NRXN3: variants seen among roughly 807,000 people sequenced by gnomAD.
The protein encoded by NRXN3 is neurexin 3.
A neutral mutation model predicts 137.6 loss-of-function variants in NRXN3; 32 were observed. The ratio of observed to expected loss-of-function variants is 0.23; its 90% CI spans 0.18 to 0.31. NRXN3 has a LOEUF of 0.31. Among genes scored for constraint, NRXN3 ranks in the 10% least tolerant of loss-of-function variants. The pLI is 1.00. For missense variants in NRXN3, 1,574 were observed against 2,062.5 expected (o/e 0.76, Z 4.59); for synonymous variants, 798 against 784.5 (o/e 1.02, Z -0.29).
intron 16 of NRXN3, among the ~76,000 whole-genome samples, chr14:79,532,694 C>T (rs1394937245): frequency 6.6e-6 from 1 of 152,196 alleles, no homozygotes; most frequent in African/African-American, 2.4e-5. Context: ...CCCCTACACT[C>T]CAGATCTTCT....
intron 15 of NRXN3, among the ~76,000 whole-genome samples, chr14:79,456,742 A>AGAGAGGAGAG (rs368005429): frequency 4.0e-5 from 6 of 151,820 alleles, no homozygotes; most frequent in African/African-American, 1.2e-4. Flanking sequence ...AGAAAGGAGA[A>AGAGAGGAGAG]GAGAGGAGAG....
At chr14:78,996,745 T>C (rs2099530998) in intron 15 of NRXN3, among the ~76,000 whole-genome samples, 1 of 152,094 alleles carries the variant, frequency 6.6e-6, no homozygotes, top group Non-Finnish European at 1.5e-5. Flanking sequence ...AGGGGCAGCA[T>C]AGCTCCATGA....
chr14:78,552,909 T>C (rs2096706309), intron 4 of NRXN3, among the ~76,000 whole-genome samples: 1 of 152,162 alleles, frequency 6.6e-6, no homozygotes, highest in South Asian at 2.1e-4. Flanking sequence ...GTGATGGATA[T>C]CCTAAGTATA....
intron 4 of NRXN3, among the ~76,000 whole-genome samples, chr14:78,553,994 AG>A (rs1237186504): frequency 6.6e-6 from 1 of 152,204 alleles, no homozygotes; most frequent in Non-Finnish European, 1.5e-5. Context: ...AGGCAGAGAG[AG>A]AAGAGTGTGT....
chr14:79,219,300 A>T (rs1028880463), intron 15 of NRXN3, among the ~76,000 whole-genome samples: 1 of 151,936 alleles, frequency 6.6e-6, no homozygotes, highest in Non-Finnish European at 1.5e-5. Context: ...TTTATTATTT[A>T]TTTATTTTTT....
intron 16 of NRXN3, among the ~76,000 whole-genome samples, chr14:79,540,077 A>G (rs2097257507): frequency 6.6e-6 from 1 of 152,144 alleles, no homozygotes; most frequent in Admixed American, 6.6e-5. Flanking sequence ...AATGAATAGA[A>G]GCAGTCTATT....
intron 16 of NRXN3, among the ~76,000 whole-genome samples, chr14:79,565,764 G>A (rs944371941): frequency 3.9e-5 from 6 of 152,088 alleles, no homozygotes; most frequent in Non-Finnish European, 5.9e-5. Context: ...TAAGCACATT[G>A]ACTGTTCTTA....
chr14:78,877,527 T>C (rs2099116742), intron 10 of NRXN3, among the ~76,000 whole-genome samples: 1 of 152,232 alleles, frequency 6.6e-6, no homozygotes, highest in Non-Finnish European at 1.5e-5. Flanking sequence ...CATTCCTTCT[T>C]CTACACTTTC....
Position 79,016,956 on chromosome 14 carries a change from A to G in NRXN3, c.3262+28815A>G, listed in dbSNP as rs1008278558. ...CCATTTGGAGGAGAGAATGGGGAAA[A>G]GGCTCGTGGGCAGACAGCAGTAAAC... On this transcript the variant is annotated intron_variant, in intron 15 of 20. Transcript: ENST00000335750. 2.0e-5 allele frequency among the ~76,000 whole-genome samples: 3 copies of G among 152,142 alleles called. No individual in the cohort carries two copies. The South Asian group carries it at 6.2e-4, about 32-fold the overall frequency.
intron 15 of NRXN3, among the ~76,000 whole-genome samples, chr14:79,362,925 T>C (rs1056159440): frequency 6.6e-6 from 1 of 151,994 alleles, no homozygotes; most frequent in Non-Finnish European, 1.5e-5. Flanking sequence ...GGGCAATAGA[T>C]AAAAACACAT....
At chr14:78,212,156 A>G (rs1393869544) in intron 1 of NRXN3, among the ~76,000 whole-genome samples, 1 of 152,142 alleles carries the variant, frequency 6.6e-6, no homozygotes, top group Non-Finnish European at 1.5e-5. Context: ...AGAGAGAGAG[A>G]TGGTCATTCA....
intron 17 of NRXN3, 147 bp from the exon 18 acceptor site, chr14:79,692,026 C>A: frequency 1.7e-6 from 1 of 586,750 alleles, no homozygotes; most frequent in Non-Finnish European, 2.9e-6. Flanking sequence ...CGACCAAGGG[C>A]AGAGTGACTT....
At chr14:78,438,680 C>T in intron 4 of NRXN3, among the ~76,000 whole-genome samples, 1 of 152,004 alleles carries the variant, frequency 6.6e-6, no homozygotes, top group South Asian at 2.1e-4. Context: ...GCTGCCCATG[C>T]CAGAAGAGAA....
chr14:78,526,619 G>A (rs2153807693), intron 4 of NRXN3: 1 of 311,384 alleles, frequency 3.2e-6, no homozygotes, highest in East Asian at 9.2e-5. Flanking sequence ...TAAAAATGGA[G>A]CATATCTGCT....
intron 10 of NRXN3, among the ~76,000 whole-genome samples, chr14:78,813,273 A>G (rs894677479): frequency 6.6e-6 from 1 of 152,214 alleles, no homozygotes; most frequent in Non-Finnish European, 1.5e-5. Context: ...GGCCTACATG[A>G]TCCGAACTTC....
At position 78,767,531 on chromosome 14, in the gene NRXN3, G is replaced by T. The variant is rs573400402; in HGVS notation, c.2045-36089G>T. On this transcript the variant is annotated intron_variant, in intron 8 of 20. Coordinates refer to ENST00000335750, the MANE Select transcript of NRXN3 (RefSeq NM_001330195.2). ...CACACTGTCAACGTGCAATACCCCT[G>T]GCATGTGTCGCAGAGCGCCCTCTTG... Among the ~76,000 whole-genome samples the T allele has an allele frequency of 2.6e-5, 4 of 152,280 alleles. No homozygotes were observed. The East Asian group carries it at 5.8e-4, about 22-fold the overall frequency.
In NRXN3 at chr14:79,667,724, T is replaced by C. The variant is rs11845684; in HGVS notation, c.3616+3775T>C. On this transcript the variant is annotated intron_variant, in intron 17 of 20. Transcript: ENST00000335750. ...AAGAAGAATCAGCCCAGAGCTATCA[T>C]CCAGGCACTGACAAATGTTCCTTAT... 8.9e-3 allele frequency among the ~76,000 whole-genome samples: 1,354 copies of C among 152,178 alleles called. 19 individuals are homozygous for C. Among genetic ancestry groups the C allele is most frequent in the African/African-American group, 0.031 (1,296 of 41,534 alleles).
rs142465178 is a variant in NRXN3 at position 79,552,209 on chromosome 14, T to C, written c.3444+84807T>C. 3.7e-4 allele frequency among the ~76,000 whole-genome samples: 56 copies of C among 152,318 alleles called. 1 individual carries two copies. The highest frequency in any genetic ancestry group is 1.3e-3 in the African/African-American group (55 of 41,584). ...GAGAAGGATAAGGAAGTAACATCTATTGGGTACCTGCTATGTTCCAGGCAA... is the reference window on the plus strand; with the variant it reads ...GAGAAGGATAAGGAAGTAACATCTACTGGGTACCTGCTATGTTCCAGGCAA... On this transcript the variant is annotated intron_variant, in intron 16 of 20. Transcript: ENST00000335750.
intron 15 of NRXN3, among the ~76,000 whole-genome samples, chr14:79,324,399 A>G (rs2090544385): frequency 1.3e-5 from 2 of 152,232 alleles, no homozygotes; most frequent in Non-Finnish European, 2.9e-5. Context: ...AGAAGGAAAA[A>G]TAGGCTTGCA....
Sources: gnomAD v4.1 joint callset for allele counts (sites outside exome capture counted in the v4.1 genomes callset) on GRCh38, gnomAD v4.1.1 for gene constraint, MANE v1.5 for transcripts, NCBI Gene and HGNC (gene_info 2026-07-23, HGNC 2026-07-21) for gene names.